Variants in ZNF782 observed in about 807,000 individuals in gnomAD.
The protein encoded by ZNF782 is zinc finger protein 782.
ZNF782 carries 12 observed loss-of-function variants against 13.0 expected under a neutral mutation model. The observed-to-expected ratio is 0.92, with a 90% CI of 0.59 to 1.50. ZNF782 has a LOEUF of 1.50. Among genes scored for constraint, ZNF782 ranks in the 40% most tolerant of loss-of-function variants. ZNF782 has a pLI of 0.00. For missense variants in ZNF782, 770 were observed against 822.9 expected, an observed-to-expected ratio of 0.94 and a Z score of 0.79; for synonymous variants, 284 against 283.0, an observed-to-expected ratio of 1.00 and a Z score of -0.04.
chr9:96,863,369 G>A (rs997278379), intron 1 of ZNF782, among the ~76,000 whole-genome samples: 4 of 151,782 alleles, frequency 2.6e-5, no homozygotes, highest in African/African-American at 9.7e-5. Flanking sequence ...AAAAATACAT[G>A]TTGGCTTGGA....
chr9:96,836,789 C>T (rs958068333), intron 4 of ZNF782, among the ~76,000 whole-genome samples: 1 of 152,074 alleles, frequency 6.6e-6, no homozygotes, highest in African/African-American at 2.4e-5. Context: ...GATTAATGCC[C>T]TCCCAAAGGG....
chr9:96,887,354 A>C, the ZNF782 span: 1 of 147,058 alleles, frequency 6.8e-6, no homozygotes, highest in East Asian at 2.0e-4. Context: ...AGAAAGAAAG[A>C]TACGAAACCA....
the ZNF782 span, among the ~76,000 whole-genome samples, chr9:96,885,484 C>A: frequency 5.9e-5 from 9 of 152,190 alleles, no homozygotes; most frequent in African/African-American, 1.9e-4. Context: ...ACAATTACAG[C>A]ATGTCAGGGA....
the ZNF782 span, among the ~76,000 whole-genome samples, chr9:96,922,791 A>G: frequency 1.8e-4 from 28 of 151,590 alleles, no homozygotes; most frequent in Admixed American, 1.8e-3. Flanking sequence ...AAAAAAAATT[A>G]TAACTTGGGG....
chr9:96,876,268 T>C (rs1851891744), upstream of ZNF782, among the ~76,000 whole-genome samples: 1 of 152,220 alleles, frequency 6.6e-6, no homozygotes. Context: ...TACTAGTTTT[T>C]ATAAAGACAT....
upstream of ZNF782, among the ~76,000 whole-genome samples, chr9:96,876,451 T>G (rs1851893276): frequency 6.6e-6 from 1 of 152,186 alleles, no homozygotes; most frequent in African/African-American, 2.4e-5. Flanking sequence ...CTTAAACATT[T>G]TTCAATACAA....
At chr9:96,875,911 A>G (rs1017030790), upstream of ZNF782, among the ~76,000 whole-genome samples, 8 of 152,238 alleles carry the variant, frequency 5.3e-5, no homozygotes, top group African/African-American at 1.7e-4. Context: ...GTCATCCAGA[A>G]GACCCTTTCC....
At chr9:96,843,485 A>G (rs571445934) in intron 4 of ZNF782, among the ~76,000 whole-genome samples, 1 of 152,334 alleles carries the variant, frequency 6.6e-6, no homozygotes, top group South Asian at 2.1e-4. Flanking sequence ...TTATAGAGCT[A>G]GCAGATTAGT....
chr9:96,911,500 T>C, the ZNF782 span, among the ~76,000 whole-genome samples: 6 of 141,144 alleles, frequency 4.3e-5, no homozygotes, highest in Non-Finnish European at 1.5e-5. Context: ...TTCTTACAAG[T>C]TTTTTTTTTG....
At chr9:96,878,861 G>T (rs74483159), upstream of ZNF782, among the ~76,000 whole-genome samples, 1,408 of 152,272 alleles carry the variant, frequency 9.2e-3, 53 homozygotes, top group East Asian at 0.1. Flanking sequence ...TGCTAACAGG[G>T]AGTCCTCAAA....
At chr9:96,839,906 C>A (rs552563891) in intron 4 of ZNF782, among the ~76,000 whole-genome samples, 3 of 152,024 alleles carry the variant, frequency 2.0e-5, no homozygotes, top group African/African-American at 7.3e-5. Flanking sequence ...CACTTTTAGC[C>A]AATTAGTCAA....
the ZNF782 span, among the ~76,000 whole-genome samples, chr9:96,881,747 C>T: frequency 4.8e-3 from 723 of 152,174 alleles, 5 homozygotes; most frequent in African/African-American, 0.016. Context: ...TTTTCTGTTT[C>T]TGGACTTCAT....
At chr9:96,879,251 G>A (rs911690704), upstream of ZNF782, among the ~76,000 whole-genome samples, 3 of 152,216 alleles carry the variant, frequency 2.0e-5, no homozygotes, top group African/African-American at 7.2e-5. Flanking sequence ...CACTTTGGGA[G>A]GCTTAGGCGG....
the ZNF782 span, among the ~76,000 whole-genome samples, chr9:96,932,929 A>G: frequency 2.7e-5 from 4 of 150,778 alleles, no homozygotes; most frequent in Admixed American, 2.6e-4. Flanking sequence ...GATTACAGGC[A>G]TGAGCCATCA....
chr9:96,826,345 A>C lies in ZNF782; in HGVS notation c.244+735T>G, dbSNP rs911623109. 3.3e-5 allele frequency among the ~76,000 whole-genome samples: 5 copies of C among 151,858 alleles called. 1 individual carries two copies. The highest frequency in any genetic ancestry group is 1.2e-4 in the African/African-American group (5 of 41,388). On this transcript the variant is annotated intron_variant, in intron 5 of 5. Coordinates refer to ENST00000481138, the MANE Select transcript of ZNF782 (RefSeq NM_001001662.3). ...ATTCTCACTCATAGGTGGGAATTGA[A>C]CAATGAGAACACATGGACACAGGAA...
the ZNF782 span, among the ~76,000 whole-genome samples, chr9:96,926,376 CTGTT>C: frequency 9.2e-5 from 14 of 152,150 alleles, no homozygotes; most frequent in Admixed American, 4.6e-4. Context: ...AAAGCATTTA[CTGTT>C]TGTTTGGTTT....
chr9:96,829,087 CAAAAA>C (rs145314809), intron 4 of ZNF782, among the ~76,000 whole-genome samples: 1 of 60,252 alleles, frequency 1.7e-5, no homozygotes, highest in Non-Finnish European at 3.9e-5. Flanking sequence ...TGTTTCAGAC[CAAAAA>C]AAAAAAAAAA....
At position 96,817,755 on chromosome 9, in the gene ZNF782, T is replaced by C. The variant is rs1006267788; in HGVS notation, c.*168A>G. On this transcript the variant is annotated 3_prime_UTR_variant, in exon 6 of 6. Transcript: ENST00000481138. ...TGGCTGAAAGAATGCCCATATAAAA[T>C]AGATTTCAACAATTTATCTTCTATT... The C allele has an allele frequency of 1.2e-5, 7 of 594,810 alleles. No homozygotes were observed. Among genetic ancestry groups the C allele is most frequent in the South Asian group, 3.4e-5 (1 of 29,588 alleles). 36.8% of individuals were successfully genotyped at this position (594,810 alleles called of 1,614,324 possible).
At chr9:96,916,602 A>C in the ZNF782 span, among the ~76,000 whole-genome samples, 4 of 152,082 alleles carry the variant, frequency 2.6e-5, no homozygotes, top group African/African-American at 9.6e-5. Flanking sequence ...AAGAGCACTG[A>C]GTTAGACTTC....
Sources: allele counts gnomAD v4.1 joint callset (sites outside exome capture counted in the v4.1 genomes callset), GRCh38; gene constraint gnomAD v4.1.1; transcripts MANE v1.5; gene names NCBI Gene and HGNC (gene_info 2026-07-23, HGNC 2026-07-21).